DEFB119: variants seen among roughly 807,000 people sequenced by gnomAD.
DEFB119 encodes beta-defensin 119.
Under a neutral mutation model 2.5 loss-of-function variants are expected in DEFB119, and 3 were observed. That is an observed-to-expected ratio of 1.19 (90% CI 0.54 to 3.07). DEFB119 has a LOEUF of 3.07. DEFB119 is among the 30% of genes most tolerant of loss of function. The pLI, the probability that DEFB119 is intolerant of heterozygous loss-of-function variation, is 0.03. For missense variants in DEFB119, 113 were observed against 101.1 expected, an observed-to-expected ratio of 1.12 and a Z score of -0.50; for synonymous variants, 29 against 33.7, an observed-to-expected ratio of 0.86 and a Z score of 0.48.
At chr20:31,383,271 C>T (rs58814371) in intron 1 of DEFB119, among the ~76,000 whole-genome samples, 21,724 of 152,062 alleles carry the variant, frequency 0.14, 1,792 homozygotes, top group Non-Finnish European at 0.18. Flanking sequence ...TGTCCAGGCG[C>T]GGTGGCTCAT....
At chr20:31,380,481 G>C (rs970859352) in intron 1 of DEFB119, among the ~76,000 whole-genome samples, 33 of 152,020 alleles carry the variant, frequency 2.2e-4, no homozygotes, top group Admixed American at 2.2e-3. Context: ...GCCCAGGCTG[G>C]TCTGGAATTC....
intron 1 of DEFB119, among the ~76,000 whole-genome samples, chr20:31,380,393 A>G (rs1036678416): frequency 1.1e-4 from 17 of 152,168 alleles, no homozygotes; most frequent in African/African-American, 4.1e-4. Context: ...AGCCTCTCGA[A>G]TAGCTGGGAA....
At chr20:31,389,718 T>C (rs1986853308) in intron 1 of DEFB119, among the ~76,000 whole-genome samples, 2 of 151,976 alleles carry the variant, frequency 1.3e-5, no homozygotes, top group Admixed American at 6.6e-5. Context: ...TGACCCTATA[T>C]TAACCCAATT....
intron 1 of DEFB119, among the ~76,000 whole-genome samples, chr20:31,385,306 G>A (rs1334519470): frequency 2.1e-5 from 3 of 146,174 alleles, no homozygotes; most frequent in East Asian, 2.1e-4. Context: ...ATAATCCAAT[G>A]TCTGCCATTA....
rs757316158 is a variant in DEFB119 at position 31,377,449 on chromosome 20, GA to G, written c.62-11del. ...AGGATGTGGCGTTTGCCTGCCAAAG[GA>G]AAAAAAATACAAATAGTTAATTCAC... On this transcript the variant is annotated splice_polypyrimidine_tract_variant and intron_variant, in intron 1 of 1. Coordinates refer to ENST00000376321, the MANE Select transcript of DEFB119 (RefSeq NM_153289.4). The G allele has an allele frequency of 1.6e-5, 26 of 1,595,252 alleles. No homozygotes were observed. The highest frequency in any genetic ancestry group is 5.4e-5 in the Admixed American group (3 of 55,736).
At chr20:31,389,975 A>G (rs1962332460) in intron 1 of DEFB119, among the ~76,000 whole-genome samples, 2 of 151,914 alleles carry the variant, frequency 1.3e-5, no homozygotes, top group East Asian at 1.9e-4. Flanking sequence ...AGCTCCACTC[A>G]ACCCCAAATC....
chr20:31,386,850 G>C (rs1427618014), intron 1 of DEFB119, among the ~76,000 whole-genome samples: 3 of 116,550 alleles, frequency 2.6e-5, no homozygotes, highest in Non-Finnish European at 4.8e-5. Context: ...GTCTCGCTCT[G>C]TCGCCCAGGC....
Position 31,389,132 on chromosome 20 carries a change from G to T in DEFB119, c.61+1291C>A, listed in dbSNP as rs112304323. On this transcript the variant is annotated intron_variant, in intron 1 of 1. Coordinates refer to ENST00000376321, the MANE Select transcript of DEFB119 (RefSeq NM_153289.4). Reference sequence around the variant, plus strand: ...GTTACTGGTTGGATTGTTAAATAACGACTAGGAACACAGCACCGTTTACGA... The same window carrying T: ...GTTACTGGTTGGATTGTTAAATAACTACTAGGAACACAGCACCGTTTACGA... 5.8e-5 allele frequency: 94 copies of T among 1,614,054 alleles called. No individual in the cohort carries two copies. In the African/African-American group the frequency reaches 1.2e-3, roughly 20 times the overall value.
intron 1 of DEFB119, among the ~76,000 whole-genome samples, chr20:31,387,327 G>A (rs1361272220): frequency 6.6e-6 from 1 of 152,154 alleles, no homozygotes; most frequent in Non-Finnish European, 1.5e-5. Context: ...GCCAGAGCAG[G>A]ATCCAATACC....
chr20:31,377,519 A>T (rs987435855), intron 1 of DEFB119, 80 bp from the exon 2 acceptor site: 2 of 1,465,418 alleles, frequency 1.4e-6, no homozygotes, highest in Admixed American at 4.3e-5. Flanking sequence ...CATCATAAAA[A>T]CCTAAAGGGG....
chr20:31,377,457 A>G lies in DEFB119; in HGVS notation c.62-18T>C. The G allele has an allele frequency of 6.2e-7, 1 of 1,607,168 alleles. No homozygotes were observed. Among genetic ancestry groups the G allele is most frequent in the Non-Finnish European group, 8.5e-7 (1 of 1,176,458 alleles). On this transcript the variant is annotated intron_variant, in intron 1 of 1. Coordinates refer to ENST00000376321, the MANE Select transcript of DEFB119 (RefSeq NM_153289.4). ...GCGTTTGCCTGCCAAAGGAAAAAAA[A>G]TACAAATAGTTAATTCACCTAGGAG...
chr20:31,378,736 C>T (rs367841224), intron 1 of DEFB119, among the ~76,000 whole-genome samples: 23 of 151,996 alleles, frequency 1.5e-4, no homozygotes, highest in African/African-American at 5.1e-4. Flanking sequence ...TATTTAACAA[C>T]TTCTCCCCAA....
At chr20:31,386,845 G>T (rs1218070810) in intron 1 of DEFB119, among the ~76,000 whole-genome samples, 2 of 118,682 alleles carry the variant, frequency 1.7e-5, no homozygotes, top group East Asian at 2.3e-4. Context: ...ACGGAGTCTC[G>T]CTCTGTCGCC....
intron 1 of DEFB119, among the ~76,000 whole-genome samples, chr20:31,386,290 C>T (rs995531552): frequency 6.6e-6 from 1 of 152,094 alleles, no homozygotes; most frequent in Non-Finnish European, 1.5e-5. Context: ...GTTCTCACCC[C>T]GGGCCTCGGG....
intron 1 of DEFB119, among the ~76,000 whole-genome samples, chr20:31,388,520 A>G (rs938455544): frequency 2.0e-5 from 3 of 152,252 alleles, no homozygotes; most frequent in Non-Finnish European, 4.4e-5. Flanking sequence ...ACAAATTCAT[A>G]TATAAATAAG....
intron 1 of DEFB119, among the ~76,000 whole-genome samples, chr20:31,386,418 A>C (rs1986705920): frequency 6.6e-6 from 1 of 152,194 alleles, no homozygotes; most frequent in South Asian, 2.1e-4. Context: ...TTGTGAACCT[A>C]AGTATGCATC....
At chr20:31,387,573 C>G (rs900342980) in intron 1 of DEFB119, among the ~76,000 whole-genome samples, 8 of 152,168 alleles carry the variant, frequency 5.3e-5, no homozygotes, top group African/African-American at 1.9e-4. Context: ...CCGAGGGAAG[C>G]CTGCCCAGCC....
intron 1 of DEFB119, chr20:31,389,032 T>G (rs1375633428): frequency 1.9e-6 from 3 of 1,614,126 alleles, no homozygotes; most frequent in Non-Finnish European, 2.5e-6. Flanking sequence ...TTTCTATCTA[T>G]TAGTTATATT....
intron 1 of DEFB119, among the ~76,000 whole-genome samples, chr20:31,383,270 G>T (rs569065057): frequency 1.3e-5 from 2 of 152,214 alleles, no homozygotes; most frequent in East Asian, 3.9e-4. Context: ...CTGTCCAGGC[G>T]CGGTGGCTCA....
Sources: allele counts gnomAD v4.1 joint callset (sites outside exome capture counted in the v4.1 genomes callset), GRCh38; gene constraint gnomAD v4.1.1; transcripts MANE v1.5; gene names NCBI Gene and HGNC (gene_info 2026-07-23, HGNC 2026-07-21).